Variants in THRB observed in about 807,000 individuals in gnomAD.
THRB encodes nuclear receptor subfamily 1 group A member 2.
Under a neutral mutation model 47.8 loss-of-function variants are expected in THRB, and 12 were observed. The ratio of observed to expected loss-of-function variants is 0.25; its 90% confidence interval spans 0.16 to 0.41. The LOEUF (loss-of-function observed/expected upper bound fraction) is 0.41, where lower values mean the gene tolerates loss of function less well. Among genes scored for constraint, THRB ranks in the 10% least tolerant of loss-of-function variants. THRB has a pLI of 1.00. For missense variants in THRB, 348 were observed against 589.2 expected (o/e 0.59, Z 4.24); for synonymous variants, 218 against 212.2 (o/e 1.03, Z -0.24).
chr3:24,267,806 G>A (rs1445698508), intron 3 of THRB, among the ~76,000 whole-genome samples: 1 of 152,128 alleles, frequency 6.6e-6, no homozygotes, highest in African/African-American at 2.4e-5. Flanking sequence ...TTTTGGGGTT[G>A]AGCCCAATCT....
Position 24,190,235 on chromosome 3 carries a change from C to T in THRB, c.122G>A (p.Ser41Asn), listed in dbSNP as rs1472555809. The change falls in exon 5 of 11, where the codon AGC (serine) becomes AAC (asparagine). Residue 41 changes from serine to asparagine, a missense_variant. Physicochemically the swap from Ser to Asn is conservative, Grantham distance 46 (BLOSUM62 1). Transcript: ENST00000646209. ...GMSEACLHRK[S>N]HSERRSTLKN... is the part of the protein sequence containing the mutation. ...CAACGTGCTGCGCCTCTCTGAATGG[C>T]TCTTCCTATGTAGGCAGGCTTCAGA... 1.2e-6 allele frequency: 2 copies of T among 1,614,060 alleles called. No individual in the cohort carries two copies. Among genetic ancestry groups the T allele is most frequent in the East Asian group, 2.2e-5 (1 of 44,878 alleles).
At chr3:24,380,229 C>T (rs2149834650) in intron 1 of THRB, among the ~76,000 whole-genome samples, 1 of 150,826 alleles carries the variant, frequency 6.6e-6, no homozygotes, top group Non-Finnish European at 1.5e-5. Flanking sequence ...ACTACTGCCA[C>T]ATCCTTAAAC....
intron 4 of THRB, among the ~76,000 whole-genome samples, chr3:24,196,675 G>C (rs1248686682): frequency 1.3e-5 from 2 of 152,166 alleles, no homozygotes; most frequent in Non-Finnish European, 2.9e-5. Flanking sequence ...CCTCACAGCA[G>C]AAGTTGTGTT....
intron 3 of THRB, among the ~76,000 whole-genome samples, chr3:24,285,941 C>T (rs963559330): frequency 3.3e-5 from 5 of 152,128 alleles, no homozygotes; most frequent in African/African-American, 7.2e-5. Flanking sequence ...GGAGGTAGGG[C>T]CTCTGGGCGG....
chr3:24,447,928 A>G (rs906300505), intron 1 of THRB, among the ~76,000 whole-genome samples: 1 of 152,042 alleles, frequency 6.6e-6, no homozygotes, highest in African/African-American at 2.4e-5. Context: ...AAGGAAAGAG[A>G]GCGCTAGTCA....
intron 1 of THRB, among the ~76,000 whole-genome samples, chr3:24,382,011 T>C (rs1247573452): frequency 1.3e-5 from 2 of 151,436 alleles, no homozygotes; most frequent in African/African-American, 4.9e-5. Context: ...AGGAGAAAAG[T>C]ATCAAGCAAA....
intron 1 of THRB, among the ~76,000 whole-genome samples, chr3:24,427,551 A>C (rs2069893125): frequency 6.6e-6 from 1 of 152,036 alleles, no homozygotes; most frequent in Admixed American, 6.6e-5. Flanking sequence ...AATCCATACA[A>C]ATAAGCAGAA....
At chr3:24,164,427 G>A (rs1361068769) in intron 5 of THRB, among the ~76,000 whole-genome samples, 4 of 152,096 alleles carry the variant, frequency 2.6e-5, no homozygotes, top group African/African-American at 9.7e-5. Context: ...AAGTTTCTCA[G>A]TTTTTGAGTT....
chr3:24,253,380 T>C (rs1001835766), intron 3 of THRB, among the ~76,000 whole-genome samples: 2 of 152,150 alleles, frequency 1.3e-5, no homozygotes, highest in African/African-American at 4.8e-5. Context: ...ACAATGGAGA[T>C]ACAGCATTGA....
At chr3:24,314,245 G>T (rs1442648488) in intron 2 of THRB, among the ~76,000 whole-genome samples, 1 of 152,174 alleles carries the variant, frequency 6.6e-6, no homozygotes, top group Admixed American at 6.5e-5. Flanking sequence ...TGAATCTAAA[G>T]CTCAAGGTAT....
In THRB at chr3:24,171,235, C is replaced by T. The variant is rs944647866; in HGVS notation, c.284-18745G>A. Among the ~76,000 whole-genome samples, 10 of 152,310 alleles carry T rather than the reference C, an allele frequency of 6.6e-5. No individual in the cohort carries two copies. In the East Asian group the frequency reaches 1.5e-3, roughly 24 times the overall value. On this transcript the variant is annotated intron_variant, in intron 5 of 10. Coordinates refer to ENST00000646209, the MANE Select transcript of THRB (RefSeq NM_001354712.2). ...CATTTTGGCGGAAACCAAAGAGGTG[C>T]ACAAAAACTTTTTGACCATGCTTTC...
intron 1 of THRB, among the ~76,000 whole-genome samples, chr3:24,396,957 GT>G (rs2067010351): frequency 6.6e-6 from 1 of 151,998 alleles, no homozygotes; most frequent in African/African-American, 2.4e-5. Flanking sequence ...AAATTTACCA[GT>G]TCTTTTTTTG....
intron 4 of THRB, among the ~76,000 whole-genome samples, chr3:24,207,213 T>C (rs1249731569): frequency 6.6e-6 from 1 of 152,124 alleles, no homozygotes; most frequent in Non-Finnish European, 1.5e-5. Flanking sequence ...TTTAGACCAA[T>C]ATCCCTGATG....
intron 1 of THRB, among the ~76,000 whole-genome samples, chr3:24,350,272 G>A (rs554158280): frequency 6.6e-6 from 1 of 152,026 alleles, no homozygotes; most frequent in Non-Finnish European, 1.5e-5. Flanking sequence ...TGTTGGTGAA[G>A]TATAATCATT....
chr3:24,403,347 C>A (rs1214280152), intron 1 of THRB, among the ~76,000 whole-genome samples: 1 of 151,878 alleles, frequency 6.6e-6, no homozygotes. Flanking sequence ...TTAGCTGGAT[C>A]CATAATATTA....
At chr3:24,285,196 T>G (rs910815120) in intron 3 of THRB, among the ~76,000 whole-genome samples, 1 of 149,000 alleles carries the variant, frequency 6.7e-6, no homozygotes, top group Non-Finnish European at 1.5e-5. Flanking sequence ...TGTCCAACAA[T>G]GATAGACTGG....
intron 1 of THRB, among the ~76,000 whole-genome samples, chr3:24,479,167 T>A (rs1397509381): frequency 6.6e-6 from 1 of 151,158 alleles, no homozygotes; most frequent in Non-Finnish European, 1.5e-5. Context: ...CCTGGCGTGG[T>A]GGTGGGCGCC....
chr3:24,451,171 G>A (rs1047480479), intron 1 of THRB, among the ~76,000 whole-genome samples: 4 of 147,870 alleles, frequency 2.7e-5, no homozygotes, highest in African/African-American at 1.0e-4. Context: ...AAATATTTCA[G>A]TTGAAGATTT....
Position 24,121,683 on chromosome 3 carries a change from A to G in THRB, c.*1201T>C, listed in dbSNP as rs1180532442. 2.0e-5 allele frequency: 3 copies of G among 152,302 alleles called. No homozygotes were observed. The highest frequency in any genetic ancestry group is 7.2e-5 in the African/African-American group (3 of 41,448). The allele number at this position is 152,302 out of a possible 1,614,324, so 9.4% of individuals were successfully genotyped here. A position where few individuals can be genotyped will look rare whatever the true frequency, so the allele number is the denominator to read the frequency against. ...GGACAGGAGGGTCAGTGGCAGGGCC[A>G]GTCTCTGTTTAGAGATAGTCAAGCT... On this transcript the variant is annotated 3_prime_UTR_variant, in exon 11 of 11. Transcript: ENST00000646209.
Sources: gnomAD v4.1 joint callset for allele counts (sites outside exome capture counted in the v4.1 genomes callset) on GRCh38, gnomAD v4.1.1 for gene constraint, MANE v1.5 for transcripts, NCBI Gene and HGNC (gene_info 2026-07-23, HGNC 2026-07-21) for gene names.